Variants in CENPC observed in about 807,000 individuals in gnomAD.
CENPC encodes the protein CENP-C 1.
In CENPC, 63 loss-of-function variants were observed where a neutral mutation model predicts 112.1. The observed-to-expected ratio is 0.56, with a 90% CI of 0.46 to 0.69. CENPC has a LOEUF of 0.69. CENPC is among the 30% of genes least tolerant of loss of function. CENPC has a pLI of 0.00. For synonymous variants in CENPC, 333 were observed against 367.6 expected (o/e 0.91, Z 1.08); for missense variants, 1,000 against 1,103.8 (o/e 0.91, Z 1.33).
intron 17 of CENPC, among the ~76,000 whole-genome samples, chr4:67,478,961 T>A (rs1442460909): frequency 6.6e-6 from 1 of 151,972 alleles, no homozygotes; most frequent in Non-Finnish European, 1.5e-5. Flanking sequence ...GCAACAGCAG[T>A]TAAAAAGACA....
In CENPC at chr4:67,489,949, T is replaced by C. The variant is rs1284525468; in HGVS notation, c.2670+18A>G. On this transcript the variant is annotated intron_variant, in intron 17 of 18. Coordinates refer to ENST00000273853, the MANE Select transcript of CENPC (RefSeq NM_001812.4). The stretch of plus-strand genomic sequence containing the variant: ...TTCTACCAAGAGTGAAACATAAATA[T>C]ATAAAAAAAGTACTCACCAATATAT... 2 of 1,500,250 alleles carry C rather than the reference T, an allele frequency of 1.3e-6. No homozygotes were observed. The highest frequency in any genetic ancestry group is 1.3e-5 in the South Asian group (1 of 74,176). The allele number at this position is 1,500,250 out of a possible 1,614,324, so 92.9% of individuals were successfully genotyped here. A position where few individuals can be genotyped will look rare whatever the true frequency, so the allele number is the denominator to read the frequency against.
chr4:67,512,726 T>C (rs1206797882), intron 8 of CENPC, among the ~76,000 whole-genome samples, 157 bp from the exon 9 acceptor site: 1 of 152,150 alleles, frequency 6.6e-6, no homozygotes. Flanking sequence ...TCTCTTTCTG[T>C]CAATTATATG....
intron 14 of CENPC, chr4:67,493,583 G>A (rs1288450814): frequency 1.7e-5 from 4 of 240,632 alleles, no homozygotes; most frequent in Non-Finnish European, 2.4e-5. Context: ...ATGGTTAATA[G>A]GAAAAATAAT....
intron 12 of CENPC, among the ~76,000 whole-genome samples, chr4:67,499,615 C>A (rs189444302): frequency 6.6e-6 from 1 of 152,326 alleles, no homozygotes; most frequent in African/African-American, 2.4e-5. Flanking sequence ...CTTGTTTAAT[C>A]CTCTGTCCAG....
intron 7 of CENPC, among the ~76,000 whole-genome samples, chr4:67,514,914 G>A (rs1273731563): frequency 1.3e-5 from 2 of 151,280 alleles, no homozygotes; most frequent in Admixed American, 1.3e-4. Flanking sequence ...TAGAAATCTA[G>A]ACATCAACAA....
chr4:67,514,271 G>C lies in CENPC; in HGVS notation c.1247C>G (p.Thr416Ser). 6.2e-7 allele frequency: 1 copy of C among 1,610,872 alleles called. No individual in the cohort carries two copies. Among genetic ancestry groups the C allele is most frequent in the South Asian group, 1.1e-5 (1 of 90,772 alleles). The change falls in exon 8 of 19, where the codon ACT becomes AGT. Residue 416 changes from threonine to serine, a missense_variant. Thr to Ser is a moderately conservative substitution (Grantham distance 58, BLOSUM62 1). Transcript: ENST00000273853. The part of the protein sequence containing the change: ...NAEKPSRSKR[T>S]IKQKQRRKFM... ...TTTTCTTCTCTGTTTTTGTTTTATA[G>C]TCCTTTTGCTTCTAGATGGTTTTTC...
In CENPC at chr4:67,506,474, C is replaced by T. The variant is rs59536623; in HGVS notation, c.2051+314G>A. 6.8e-3 allele frequency among the ~76,000 whole-genome samples: 1,038 copies of T among 152,222 alleles called. 17 individuals carry two copies. Among genetic ancestry groups the T allele is most frequent in the African/African-American group, 0.024 (1,005 of 41,538 alleles). ...CTGAGAGGGCCACATGGTTAAGAAA[C>T]TAAGGTCTACTGGAAACAGCCAGAA... On this transcript the variant is annotated intron_variant, in intron 11 of 18. Coordinates refer to ENST00000273853, the MANE Select transcript of CENPC (RefSeq NM_001812.4).
intron 5 of CENPC, among the ~76,000 whole-genome samples, chr4:67,529,489 C>A (rs10015022): frequency 0.22 from 33,035 of 151,710 alleles, 3,625 homozygotes; most frequent in South Asian, 0.27. Context: ...CCACGCCTGG[C>A]AAATTTTGGT....
chr4:67,506,419 T>G (rs1171908006), intron 11 of CENPC, among the ~76,000 whole-genome samples: 1 of 152,152 alleles, frequency 6.6e-6, no homozygotes, highest in Admixed American at 6.6e-5. Context: ...AGCATTTGCT[T>G]TGTGGGAAGC....
At chr4:67,477,379 C>T (rs776369127) in intron 17 of CENPC, among the ~76,000 whole-genome samples, 14 of 152,336 alleles carry the variant, frequency 9.2e-5, no homozygotes, top group Admixed American at 1.3e-4. Context: ...TATCACAAGA[C>T]GCTTTGCAGG....
chr4:67,532,234 A>C (rs2109827105), intron 4 of CENPC, among the ~76,000 whole-genome samples: 1 of 152,344 alleles, frequency 6.6e-6, no homozygotes, highest in African/African-American at 2.4e-5. Flanking sequence ...AATCATTAAA[A>C]AGTCAGGAAA....
At chr4:67,485,895 C>T (rs892110263) in intron 17 of CENPC, among the ~76,000 whole-genome samples, 4 of 152,032 alleles carry the variant, frequency 2.6e-5, no homozygotes, top group Non-Finnish European at 1.5e-5. Context: ...ATGTAAATGG[C>T]AAAGGGGGGG....
At chr4:67,494,644 GC>G (rs1725381852) in intron 13 of CENPC, among the ~76,000 whole-genome samples, 1 of 152,190 alleles carries the variant, frequency 6.6e-6, no homozygotes, top group South Asian at 2.1e-4. Context: ...AACATGGAAA[GC>G]CACCCAACAT....
chr4:67,536,909 C>T (rs542551064), intron 4 of CENPC, among the ~76,000 whole-genome samples: 4 of 151,350 alleles, frequency 2.6e-5, no homozygotes, highest in African/African-American at 9.7e-5. Flanking sequence ...GCATAGCAGG[C>T]ACAGTGGCAT....
intron 4 of CENPC, among the ~76,000 whole-genome samples, chr4:67,533,351 A>G (rs1245303693): frequency 1.3e-5 from 2 of 152,224 alleles, no homozygotes; most frequent in Admixed American, 1.3e-4. Context: ...GCCATGTGGA[A>G]CTGTAAGTCA....
rs1042805629 is a variant in CENPC, at chr4:67,545,414, C to T, written c.-59G>A. ...AGGTGGAAGCCCACACGGACCACAG[C>T]TCCAGGAAGCCGAGCAAGAAACGAA... On this transcript the variant is annotated 5_prime_UTR_variant, in exon 1 of 19. Coordinates refer to ENST00000273853, the MANE Select transcript of CENPC (RefSeq NM_001812.4). 2 of 1,451,474 alleles carry T rather than the reference C, an allele frequency of 1.4e-6. No homozygotes were observed. Among genetic ancestry groups the T allele is most frequent in the East Asian group, 2.8e-5 (1 of 35,286 alleles). 89.9% of individuals were successfully genotyped at this position (1,451,474 alleles called of 1,614,324 possible).
intron 17 of CENPC, 47 bp downstream of exon 17, chr4:67,489,920 A>C: frequency 7.1e-7 from 1 of 1,402,758 alleles, no homozygotes; most frequent in Non-Finnish European, 9.5e-7. Context: ...CCAATAAATC[A>C]GAGTTCTACC....
Position 67,469,583 on chromosome 4 carries a change from T to TC in CENPC, c.*3021dup, listed in dbSNP as rs1724597626. 1 of 152,402 alleles carries TC rather than the reference T, an allele frequency of 6.6e-6. No homozygotes were observed. The highest frequency in any genetic ancestry group is 6.5e-5 in the Admixed American group (1 of 15,276). The allele number at this position is 152,402 out of a possible 1,614,324, so 9.4% of individuals were successfully genotyped here. On this transcript the variant is annotated 3_prime_UTR_variant, in exon 19 of 19. Transcript: ENST00000273853. Reference sequence around the variant, plus strand: ...TGGTCTCGAACTCCTGACCTCATGATCCACCCGACTTAGCCTCCCAAAGTG... The same window carrying TC: ...TGGTCTCGAACTCCTGACCTCATGATCCCACCCGACTTAGCCTCCCAAAGTG...
intron 9 of CENPC, chr4:67,510,747 C>T (rs191713928): frequency 5.1e-5 from 16 of 310,962 alleles, no homozygotes; most frequent in East Asian, 4.0e-4. Flanking sequence ...GTCACACGTA[C>T]GACAGGCAGG....
Sources: allele counts gnomAD v4.1 joint callset (sites outside exome capture counted in the v4.1 genomes callset), GRCh38; gene constraint gnomAD v4.1.1; transcripts MANE v1.5; gene names NCBI Gene and HGNC (gene_info 2026-07-23, HGNC 2026-07-21).